PVT1: variants seen among roughly 807,000 people sequenced by gnomAD.
The protein encoded by PVT1 is Pvt1 oncogene.
chr8:127,802,018 C>T (rs1157086516), intron 2 of PVT1, among the ~76,000 whole-genome samples: 5 of 151,834 alleles, frequency 3.3e-5, no homozygotes, highest in African/African-American at 7.3e-5. Flanking sequence ...CGGGTTCAAG[C>T]GATTCTCCTG....
chr8:128,018,036 T>A (rs1248172755), intron 4 of PVT1, among the ~76,000 whole-genome samples: 1 of 152,182 alleles, frequency 6.6e-6, no homozygotes, highest in African/African-American at 2.4e-5. Context: ...CGCACAAAAA[T>A]ATTGGCTGCA....
At chr8:128,018,478 A>G (rs1383757932) in intron 4 of PVT1, among the ~76,000 whole-genome samples, 1 of 152,220 alleles carries the variant, frequency 6.6e-6, no homozygotes, top group African/African-American at 2.4e-5. Context: ...ACTATGTGTA[A>G]TGCCATTCTG....
chr8:127,937,580 C>CACACACACACACAGAG (rs59006608), intron 3 of PVT1, among the ~76,000 whole-genome samples: 10 of 107,864 alleles, frequency 9.3e-5, no homozygotes, highest in African/African-American at 2.6e-4. Context: ...CACACACACA[C>CACACACACACACAGAG]AGAGAGAGAG....
intron 2 of PVT1, among the ~76,000 whole-genome samples, chr8:127,802,095 A>T (rs1262838488): frequency 6.6e-6 from 1 of 151,700 alleles, no homozygotes; most frequent in Non-Finnish European, 1.5e-5. Context: ...TTGTATTTTT[A>T]GTAGATATGG....
chr8:127,971,069 C>CA (rs1816759861), intron 3 of PVT1, among the ~76,000 whole-genome samples: 1 of 152,228 alleles, frequency 6.6e-6, no homozygotes, highest in Non-Finnish European at 1.5e-5. Context: ...CTGTGGCCTG[C>CA]AAAAAGCCTA....
At chr8:127,986,712 CCTT>C (rs1257536130) in intron 3 of PVT1, among the ~76,000 whole-genome samples, 1 of 152,214 alleles carries the variant, frequency 6.6e-6, no homozygotes, top group African/African-American at 2.4e-5. Flanking sequence ...GGGGCTATGA[CCTT>C]CTGCTTTGCA....
intron 2 of PVT1, among the ~76,000 whole-genome samples, chr8:127,887,454 G>A (rs568047504): frequency 1.6e-4 from 24 of 152,308 alleles, no homozygotes; most frequent in African/African-American, 5.1e-4. Flanking sequence ...CCAGGGAACT[G>A]CTTCAATAGG....
At chr8:127,918,677 G>A (rs184235281) in intron 3 of PVT1, among the ~76,000 whole-genome samples, 1 of 152,174 alleles carries the variant, frequency 6.6e-6, no homozygotes, top group African/African-American at 2.4e-5. Context: ...CATCCATACA[G>A]CTCCTCTAGC....
intron 4 of PVT1, among the ~76,000 whole-genome samples, chr8:128,054,810 C>T (rs1005289118): frequency 1.3e-5 from 2 of 152,234 alleles, no homozygotes; most frequent in African/African-American, 4.8e-5. Context: ...TTAATTCCAT[C>T]TGTCACCTTG....
chr8:128,031,197 C>T (rs115043688), intron 4 of PVT1, among the ~76,000 whole-genome samples: 1,747 of 152,272 alleles, frequency 0.011, 28 homozygotes, highest in African/African-American at 0.04. Flanking sequence ...GTGAATCTCC[C>T]GGGCTGCGTG....
At chr8:127,934,513 A>G (rs535877106) in intron 3 of PVT1, among the ~76,000 whole-genome samples, 4 of 152,178 alleles carry the variant, frequency 2.6e-5, no homozygotes, top group Non-Finnish European at 5.9e-5. Context: ...TTTGCCAAAG[A>G]TAGAGGGGAA....
intron 3 of PVT1, among the ~76,000 whole-genome samples, chr8:127,914,147 A>G (rs1013975033): frequency 3.3e-5 from 5 of 151,970 alleles, no homozygotes; most frequent in African/African-American, 1.2e-4. Flanking sequence ...GCCAATAAAC[A>G]CATGAAAAGA....
At chr8:128,061,094 G>C (rs1215533386) in intron 4 of PVT1, among the ~76,000 whole-genome samples, 2 of 152,128 alleles carry the variant, frequency 1.3e-5, no homozygotes, top group East Asian at 1.9e-4. Context: ...ATTTTTAGTA[G>C]AGACGGGGTT....
chr8:127,969,200 A>G (rs1180566148), intron 3 of PVT1, among the ~76,000 whole-genome samples: 2 of 152,058 alleles, frequency 1.3e-5, no homozygotes, highest in African/African-American at 2.4e-5. Context: ...CCTCTCTTTC[A>G]TTCTTCATTA....
intron 3 of PVT1, among the ~76,000 whole-genome samples, chr8:127,915,692 A>T (rs181822511): frequency 7.3e-5 from 11 of 151,132 alleles, no homozygotes; most frequent in African/African-American, 2.2e-4. Flanking sequence ...TAGAGATGGG[A>T]TGGGTTCATT....
At chr8:127,985,858 T>C (rs889203227) in intron 3 of PVT1, among the ~76,000 whole-genome samples, 4 of 152,176 alleles carry the variant, frequency 2.6e-5, no homozygotes, top group African/African-American at 9.7e-5. Flanking sequence ...ACCCAAGTGC[T>C]GTTGCTGATT....
chr8:127,913,113 G>A (rs183503765), intron 3 of PVT1, among the ~76,000 whole-genome samples: 47 of 152,136 alleles, frequency 3.1e-4, no homozygotes, highest in African/African-American at 1.1e-3. Flanking sequence ...GCCTCCCAAA[G>A]TGCTGGGATT....
At chr8:127,949,988 G>A (rs1460633148) in intron 3 of PVT1, among the ~76,000 whole-genome samples, 1 of 152,246 alleles carries the variant, frequency 6.6e-6, no homozygotes, top group African/African-American at 2.4e-5. Context: ...TTCCCTGGCG[G>A]CCCGGGTTCC....
intron 2 of PVT1, among the ~76,000 whole-genome samples, chr8:127,849,743 TATGTG>T (rs1815083848): frequency 8.4e-6 from 1 of 119,486 alleles, no homozygotes; most frequent in African/African-American, 3.9e-5. Flanking sequence ...AGCCTGTACA[TATGTG>T]TGTGTGTGCC....
Sources: gnomAD v4.1 joint callset for allele counts (sites outside exome capture counted in the v4.1 genomes callset) on GRCh38, gnomAD v4.1.1 for gene constraint, MANE v1.5 for transcripts, NCBI Gene and HGNC (gene_info 2026-07-23, HGNC 2026-07-21) for gene names.